CAMK4: variants seen among roughly 807,000 people sequenced by gnomAD.
CAMK4 encodes calcium/calmodulin-dependent protein kinase type IV.
Under a neutral mutation model 44.9 loss-of-function variants are expected in CAMK4, and 22 were observed. That is an observed-to-expected ratio of 0.49 (90% CI 0.35 to 0.70). CAMK4 has a LOEUF of 0.70. Ranked by LOEUF, CAMK4 falls within the 30% of genes least tolerant of loss-of-function variation. The probability of loss-of-function intolerance (pLI) is 0.01; values close to 1 mark genes in which losing one functional copy is unlikely to be tolerated. For missense variants in CAMK4, 498 were observed against 586.8 expected (o/e 0.85, Z 1.56); for synonymous variants, 218 against 215.4 (o/e 1.01, Z -0.11).
At chr5:111,389,821 T>C (rs879809795) in intron 4 of CAMK4, among the ~76,000 whole-genome samples, 2 of 152,158 alleles carry the variant, frequency 1.3e-5, no homozygotes, top group Admixed American at 1.3e-4. Context: ...AAAGCCAAGC[T>C]CCTGAGGCTA....
intron 2 of CAMK4, among the ~76,000 whole-genome samples, chr5:111,354,604 G>C (rs1280995753): frequency 9.1e-6 from 1 of 110,258 alleles, no homozygotes; most frequent in Non-Finnish European, 1.9e-5. Context: ...AGCTACTTGG[G>C]AGGCTGAGGC....
intron 5 of CAMK4, among the ~76,000 whole-genome samples, chr5:111,446,111 A>G (rs895599855): frequency 6.6e-5 from 10 of 152,254 alleles, no homozygotes; most frequent in African/African-American, 2.2e-4. Flanking sequence ...ACAGCTTTCA[A>G]CATCTATATT....
At chr5:111,262,026 A>C (rs1750002890) in intron 1 of CAMK4, among the ~76,000 whole-genome samples, 1 of 152,054 alleles carries the variant, frequency 6.6e-6, no homozygotes, top group Admixed American at 6.6e-5. Context: ...AGGTCTGCAG[A>C]GTCATCCTTG....
intron 1 of CAMK4, among the ~76,000 whole-genome samples, chr5:111,265,640 T>C (rs1750207245): frequency 1.3e-5 from 2 of 152,198 alleles, no homozygotes; most frequent in Admixed American, 6.5e-5. Flanking sequence ...GTAAGATATT[T>C]ACCCAATCTT....
chr5:111,433,466 G>A (rs1393146285), intron 5 of CAMK4, among the ~76,000 whole-genome samples: 2 of 152,154 alleles, frequency 1.3e-5, no homozygotes, highest in African/African-American at 4.8e-5. Context: ...TGAATATCTA[G>A]CAAACAAGAT....
At chr5:111,409,212 G>A (rs1416815329) in intron 5 of CAMK4, among the ~76,000 whole-genome samples, 1 of 152,184 alleles carries the variant, frequency 6.6e-6, no homozygotes, top group African/African-American at 2.4e-5. Context: ...CTTCTGCCTG[G>A]GCATCCAGGC....
chr5:111,269,319 A>G (rs1381484362), intron 1 of CAMK4, among the ~76,000 whole-genome samples: 2 of 152,206 alleles, frequency 1.3e-5, no homozygotes, highest in Non-Finnish European at 2.9e-5. Flanking sequence ...TCAGTAACCT[A>G]TTTTGGATAC....
chr5:111,282,524 G>A (rs1013814899), intron 1 of CAMK4, among the ~76,000 whole-genome samples: 81 of 152,050 alleles, frequency 5.3e-4, no homozygotes, highest in African/African-American at 1.9e-3. Flanking sequence ...CCTTAATTCC[G>A]AATTTTTTAC....
chr5:111,253,217 C>T (rs1223308762), intron 1 of CAMK4, among the ~76,000 whole-genome samples: 1 of 152,168 alleles, frequency 6.6e-6, no homozygotes, highest in Non-Finnish European at 1.5e-5. Flanking sequence ...ATTTAGTGCA[C>T]CTTTCCTGTC....
chr5:111,290,100 T>C lies in CAMK4; in HGVS notation c.162-53924T>C, dbSNP rs1751387211. 6.6e-6 allele frequency among the ~76,000 whole-genome samples: 1 copy of C among 152,182 alleles called. No individual in the cohort carries two copies. Among genetic ancestry groups the C allele is most frequent in the Admixed American group, 6.5e-5 (1 of 15,290 alleles). ...CTTTATCCCTAGGTTTCCAGACCTGTGCATTCAAGGCCTGTCAAGTATCGT... is the reference window on the plus strand; with the variant it reads ...CTTTATCCCTAGGTTTCCAGACCTGCGCATTCAAGGCCTGTCAAGTATCGT... On this transcript the variant is annotated intron_variant, in intron 1 of 10. Coordinates refer to ENST00000282356, the MANE Select transcript of CAMK4 (RefSeq NM_001744.6). This position sits in a 1 kb window ranked among gnomAD's most constrained non-coding sequence, Gnocchi z 4.5.
At chr5:111,237,370 G>C (rs1748777497) in intron 1 of CAMK4, among the ~76,000 whole-genome samples, 3 of 152,198 alleles carry the variant, frequency 2.0e-5, no homozygotes, top group African/African-American at 7.2e-5. Flanking sequence ...TCTTCCAGTT[G>C]AATTCTCTGG....
intron 5 of CAMK4, 131 bp from the exon 6 acceptor site, chr5:111,446,555 G>T: frequency 3.5e-6 from 2 of 568,580 alleles, no homozygotes; most frequent in South Asian, 2.6e-5. Flanking sequence ...TTTCCTTTAT[G>T]GTACTTATTG....
At chr5:111,425,373 C>T (rs1753188598) in intron 5 of CAMK4, among the ~76,000 whole-genome samples, 1 of 152,248 alleles carries the variant, frequency 6.6e-6, no homozygotes, top group Admixed American at 6.5e-5. Flanking sequence ...TCACCTGGCA[C>T]AGGTGGTGCC....
At chr5:111,303,192 C>T (rs1366821848) in intron 1 of CAMK4, among the ~76,000 whole-genome samples, 28 of 82,682 alleles carry the variant, frequency 3.4e-4, no homozygotes, top group Non-Finnish European at 5.1e-4. Context: ...GAGCGCCTCT[C>T]CTCCTCCAAA....
chr5:111,403,504 C>A (rs1272658151), intron 5 of CAMK4, among the ~76,000 whole-genome samples: 1 of 152,018 alleles, frequency 6.6e-6, no homozygotes, highest in Non-Finnish European at 1.5e-5. Flanking sequence ...AGTTGAAGCA[C>A]TAAAATGATA....
chr5:111,362,148 A>T (rs1047823411), intron 2 of CAMK4, among the ~76,000 whole-genome samples: 1 of 152,046 alleles, frequency 6.6e-6, no homozygotes, highest in Non-Finnish European at 1.5e-5. Context: ...AAACAATAAT[A>T]TTCCAGAATA....
chr5:111,427,102 A>G (rs1455823414), intron 5 of CAMK4, among the ~76,000 whole-genome samples: 5 of 152,082 alleles, frequency 3.3e-5, no homozygotes, highest in Admixed American at 3.3e-4. Context: ...CCTTTTGCTT[A>G]AGGAGAGGAG....
At position 111,494,839 on chromosome 5, in the gene CAMK4, A is replaced by AGTT. The variant is rs1454738161; in HGVS notation, c.*10375_*10377dup. On this transcript the variant is annotated 3_prime_UTR_variant, in exon 11 of 11. Transcript: ENST00000282356. ...ATCTTGCTGCTGGGAAATGTAAAGC[A>AGTT]GTTGGCATGTAGAATACGATAATAA... is the stretch of plus-strand genomic sequence containing the variant. 1 of 152,188 alleles carries AGTT rather than the reference A, an allele frequency of 6.6e-6. No individual in the cohort carries two copies. Among genetic ancestry groups the AGTT allele is most frequent in the East Asian group, 1.9e-4 (1 of 5,196 alleles). 9.4% of individuals were successfully genotyped at this position (152,188 alleles called of 1,614,324 possible).
At chr5:111,471,151 A>G (rs1231687112) in intron 7 of CAMK4, among the ~76,000 whole-genome samples, 2 of 152,200 alleles carry the variant, frequency 1.3e-5, no homozygotes, top group African/African-American at 4.8e-5. Context: ...TAAAATTTCC[A>G]TTGAAAGCTC....
Sources: allele counts gnomAD v4.1 joint callset (sites outside exome capture counted in the v4.1 genomes callset), GRCh38; gene constraint gnomAD v4.1.1; non-coding constraint Gnocchi (gnomAD v3.1); transcripts MANE v1.5; gene names NCBI Gene and HGNC (gene_info 2026-07-23, HGNC 2026-07-21).